CLINT1: variants seen among roughly 807,000 people sequenced by gnomAD.
The protein encoded by CLINT1 is clathrin interacting protein localized in the trans-Golgi region.
A neutral mutation model predicts 70.4 loss-of-function variants in CLINT1; 15 were observed. That is an observed-to-expected ratio of 0.21 (90% CI 0.14 to 0.33). The LOEUF is 0.33. CLINT1 is among the 10% of genes least tolerant of loss of function. CLINT1 has a pLI of 1.00. For synonymous variants in CLINT1, 227 were observed against 254.7 expected (o/e 0.89, Z 1.04); for missense variants, 615 against 778.1 (o/e 0.79, Z 2.49).
rs969996540 is a variant in CLINT1, at chr5:157,830,814, A to G, written c.42-13267T>C. On this transcript the variant is annotated intron_variant, in intron 1 of 11. Coordinates refer to ENST00000411809, the MANE Select transcript of CLINT1 (RefSeq NM_014666.4). Reference sequence around the variant, plus strand: ...TCTCTCTCTATATATATATATATATATAGAAACACATTTAAGCCTGGGCAA... The same window carrying G: ...TCTCTCTCTATATATATATATATATGTAGAAACACATTTAAGCCTGGGCAA... Among the ~76,000 whole-genome samples the G allele has an allele frequency of 2.7e-5, 4 of 149,206 alleles. No individual in the cohort carries two copies. The Admixed American group carries it at 2.7e-4, about 10-fold the overall frequency.
At chr5:157,808,745 C>G (rs930438237) in intron 6 of CLINT1, among the ~76,000 whole-genome samples, 1 of 152,074 alleles carries the variant, frequency 6.6e-6, no homozygotes, top group Non-Finnish European at 1.5e-5. Flanking sequence ...GCTCTATTCT[C>G]AAAAACTGGT....
intron 8 of CLINT1, among the ~76,000 whole-genome samples, chr5:157,802,934 A>G (rs1384671140): frequency 2.0e-5 from 3 of 152,186 alleles, no homozygotes; most frequent in Non-Finnish European, 4.4e-5. Flanking sequence ...TCACTAGATA[A>G]CTATTTGTGA....
intron 1 of CLINT1, among the ~76,000 whole-genome samples, chr5:157,830,654 C>T (rs925769532): frequency 1.3e-5 from 2 of 151,398 alleles, no homozygotes; most frequent in African/African-American, 4.9e-5. Flanking sequence ...GGTGGGGCGA[C>T]TGCTTGAGCC....
chr5:157,835,674 T>G (rs1480270240), intron 1 of CLINT1, among the ~76,000 whole-genome samples: 2 of 152,206 alleles, frequency 1.3e-5, no homozygotes, highest in East Asian at 1.9e-4. Flanking sequence ...AAAGGGGAGC[T>G]GAGACCAAGA....
intron 7 of CLINT1, among the ~76,000 whole-genome samples, chr5:157,804,382 C>G (rs1162090278): frequency 2.0e-5 from 3 of 152,104 alleles, no homozygotes; most frequent in African/African-American, 4.8e-5. Context: ...AGCTAAGCAC[C>G]CTGATACCTA....
chr5:157,845,755 C>T (rs1267797615), intron 1 of CLINT1, among the ~76,000 whole-genome samples: 2 of 152,068 alleles, frequency 1.3e-5, no homozygotes, highest in African/African-American at 2.4e-5. Context: ...GGGGTTTCAC[C>T]GTGTTAGCCA....
chr5:157,790,861 G>A (rs115627447), intron 10 of CLINT1, among the ~76,000 whole-genome samples: 2,259 of 152,252 alleles, frequency 0.015, 56 homozygotes, highest in African/African-American at 0.051. Flanking sequence ...GAAAATGAAA[G>A]TTGAAAGATG....
At chr5:157,829,378 A>C (rs1341180456) in intron 1 of CLINT1, among the ~76,000 whole-genome samples, 1 of 152,236 alleles carries the variant, frequency 6.6e-6, no homozygotes, top group Admixed American at 6.5e-5. Flanking sequence ...TGTGAAAAAT[A>C]CTTTGCCTGG....
intron 7 of CLINT1, among the ~76,000 whole-genome samples, chr5:157,804,454 T>C (rs77625383): frequency 0.074 from 11,318 of 152,216 alleles, 580 homozygotes; most frequent in Non-Finnish European, 0.12. Flanking sequence ...TATTAGGCAA[T>C]GGGGAAACCC....
intron 5 of CLINT1, among the ~76,000 whole-genome samples, chr5:157,812,164 T>C (rs1324545900): frequency 6.7e-6 from 1 of 149,726 alleles, no homozygotes; most frequent in South Asian, 2.1e-4. Flanking sequence ...GAGGAATAAA[T>C]GAGTAAGGAT....
intron 1 of CLINT1, among the ~76,000 whole-genome samples, chr5:157,824,780 A>T (rs539401056): frequency 2.0e-4 from 31 of 152,342 alleles, no homozygotes; most frequent in African/African-American, 7.2e-4. Flanking sequence ...TAAATGGCAT[A>T]TTTAAAAACT....
chr5:157,855,935 CA>C (rs879560600), intron 1 of CLINT1, among the ~76,000 whole-genome samples: 154 of 134,206 alleles, frequency 1.1e-3, no homozygotes, highest in Admixed American at 1.1e-3. Flanking sequence ...AACCCCATCT[CA>C]AAAAAAAAAA....
chr5:157,818,467 T>C (rs189079829), intron 1 of CLINT1, among the ~76,000 whole-genome samples: 86 of 88,286 alleles, frequency 9.7e-4, no homozygotes, highest in African/African-American at 3.0e-3. Context: ...ACCTGGTCTC[T>C]AAAAAAAAAA....
intron 1 of CLINT1, among the ~76,000 whole-genome samples, chr5:157,817,749 C>A (rs913869363): frequency 6.6e-6 from 1 of 152,090 alleles, no homozygotes; most frequent in Non-Finnish European, 1.5e-5. Context: ...TTTTACTATA[C>A]CATTAGCCTT....
chr5:157,793,214 CTTT>C (rs74754292), intron 9 of CLINT1, among the ~76,000 whole-genome samples: 4 of 143,364 alleles, frequency 2.8e-5, no homozygotes, highest in Non-Finnish European at 3.1e-5. Flanking sequence ...CGTCTTTGAT[CTTT>C]TTTTTTTTTT....
chr5:157,816,341 A>C (rs1179519025), intron 3 of CLINT1, among the ~76,000 whole-genome samples: 2 of 152,194 alleles, frequency 1.3e-5, no homozygotes, highest in Non-Finnish European at 2.9e-5. Context: ...TTTGGATACA[A>C]AATACTGTGA....
chr5:157,791,491 A>C (rs548183166), intron 10 of CLINT1: 2 of 542,524 alleles, frequency 3.7e-6, no homozygotes, highest in Middle Eastern at 9.8e-4. Context: ...ATGGGGGAGA[A>C]GGTCTTGCCT....
intron 1 of CLINT1, among the ~76,000 whole-genome samples, chr5:157,847,179 T>C (rs1000568211): frequency 2.0e-5 from 3 of 152,142 alleles, no homozygotes; most frequent in Non-Finnish European, 4.4e-5. Context: ...TTGAAAACCT[T>C]CTGGAAAGAA....
At chr5:157,811,943 T>A (rs1762574857) in intron 5 of CLINT1, among the ~76,000 whole-genome samples, 1 of 152,164 alleles carries the variant, frequency 6.6e-6, no homozygotes, top group East Asian at 1.9e-4. Context: ...ATTTATATGC[T>A]TTAGGAGAAA....
Sources: gnomAD v4.1 joint callset for allele counts (sites outside exome capture counted in the v4.1 genomes callset) on GRCh38, gnomAD v4.1.1 for gene constraint, MANE v1.5 for transcripts, NCBI Gene and HGNC (gene_info 2026-07-23, HGNC 2026-07-21) for gene names.